USP25: variants seen among roughly 807,000 people sequenced by gnomAD.
USP25 encodes ubiquitin specific peptidase 25, also known as ubiquitin carboxyl-terminal hydrolase 25.
In USP25, 85 loss-of-function variants were observed where a neutral mutation model predicts 158.5. The observed-to-expected ratio is 0.54, with a 90% CI of 0.45 to 0.64. The LOEUF is 0.64. Ranked by LOEUF, USP25 falls within the 30% of genes least tolerant of loss-of-function variation. The probability of loss-of-function intolerance (pLI) is 0.00; values close to 1 mark genes in which losing one functional copy is unlikely to be tolerated. For synonymous variants in USP25, 464 were observed against 460.4 expected, an observed-to-expected ratio of 1.01 and a Z score of -0.10; for missense variants, 1,242 against 1,327.3, an observed-to-expected ratio of 0.94 and a Z score of 1.00.
At chr21:15,856,365 A>G (rs2039136876) in intron 20 of USP25, among the ~76,000 whole-genome samples, 1 of 152,148 alleles carries the variant, frequency 6.6e-6, no homozygotes, top group Admixed American at 6.5e-5. Context: ...GTGAGCATCT[A>G]TTCATTGTTT....
Position 15,730,371 on chromosome 21 carries a change from C to T in USP25, c.-23C>T. 1 of 1,222,026 alleles carries T rather than the reference C, an allele frequency of 8.2e-7. No individual in the cohort carries two copies. The highest frequency in any genetic ancestry group is 1.0e-6 in the Non-Finnish European group (1 of 978,498). 75.7% of individuals were successfully genotyped at this position (1,222,026 alleles called of 1,614,324 possible). ...GAGGAGCCGGGCGCCACCGCCGCCGCCGCCGCCGCCGCCGCGGGGGCCATG... is the reference window on the plus strand; with the variant it reads ...GAGGAGCCGGGCGCCACCGCCGCCGTCGCCGCCGCCGCCGCGGGGGCCATG... On this transcript the variant is annotated 5_prime_UTR_variant, in exon 1 of 26. Coordinates refer to ENST00000400183, the MANE Select transcript of USP25 (RefSeq NM_001283041.3).
intron 1 of USP25, among the ~76,000 whole-genome samples, chr21:15,756,715 A>G: frequency 6.6e-6 from 1 of 152,178 alleles, no homozygotes; most frequent in Middle Eastern, 3.2e-3. Flanking sequence ...TTGTGCAGTA[A>G]AAATAACAGG....
rs191812395 is a variant in USP25, at chr21:15,863,013, T to C, written c.2548-1255T>C. Among the ~76,000 whole-genome samples the C allele has an allele frequency of 9.2e-5, 14 of 152,136 alleles. No homozygotes were observed. In the East Asian group the frequency reaches 2.5e-3, roughly 27 times the overall value. On this transcript the variant is annotated intron_variant, in intron 20 of 25. Coordinates refer to ENST00000400183, the MANE Select transcript of USP25 (RefSeq NM_001283041.3). ...GCATTTTTTAAATTAAAAAAACTTT[T>C]TAATTGAATGGATTTTTTGTAATCT...
At chr21:15,825,113 G>A (rs774324147) in intron 12 of USP25, 52 bp downstream of exon 12, 2 of 1,345,014 alleles carry the variant, frequency 1.5e-6, no homozygotes, top group Admixed American at 4.7e-5. Context: ...CCATGTATTT[G>A]GTGACTAGAT....
chr21:15,747,696 T>C (rs946606585), intron 1 of USP25, among the ~76,000 whole-genome samples: 8 of 152,268 alleles, frequency 5.3e-5, no homozygotes, highest in Non-Finnish European at 1.0e-4. Flanking sequence ...TGTGGATATG[T>C]TGGACAAAGG....
chr21:15,864,237 C>A, intron 20 of USP25, 31 bp from the exon 21 acceptor site: 1 of 1,575,126 alleles, frequency 6.3e-7, no homozygotes, highest in Non-Finnish European at 8.6e-7. Flanking sequence ...AAATAATTAA[C>A]CAAAATTATC....
At chr21:15,740,231 T>G (rs2031906889) in intron 1 of USP25, among the ~76,000 whole-genome samples, 1 of 152,218 alleles carries the variant, frequency 6.6e-6, no homozygotes, top group Admixed American at 6.5e-5. Context: ...GAATCGCAGA[T>G]TATTCTTCTG....
Position 15,877,841 on chromosome 21 carries a change from C to T in USP25, c.3055C>T (p.Arg1019Ter), listed in dbSNP as rs756293019. ...AGAACTCTTCGAATCTGGAGAGGAT[C>T]GAGAAGTAAACAATGGTTTGATTAT... ...AAELFESGED[R>*]EVNNGLIIMN... is the part of the protein sequence containing the mutation. The change falls in exon 25 of 26, where the codon CGA becomes TGA. Residue 1019 changes from arginine (R) to a stop codon, truncating the protein, a stop_gained. Coordinates refer to ENST00000400183, the MANE Select transcript of USP25 (RefSeq NM_001283041.3). LOFTEE classifies it high-confidence loss of function. 1.9e-6 allele frequency: 3 copies of T among 1,612,076 alleles called. No individual in the cohort carries two copies. Among genetic ancestry groups the T allele is most frequent in the Non-Finnish European group, 2.5e-6 (3 of 1,179,156 alleles).
intron 1 of USP25, among the ~76,000 whole-genome samples, chr21:15,758,138 G>A (rs1327180439): frequency 6.6e-6 from 1 of 152,162 alleles, no homozygotes; most frequent in East Asian, 1.9e-4. Flanking sequence ...AATCTCTGGG[G>A]ATGAGGCCTG....
intron 4 of USP25, among the ~76,000 whole-genome samples, chr21:15,779,012 A>C (rs1189412857): frequency 6.6e-6 from 1 of 152,132 alleles, no homozygotes. Flanking sequence ...AGAGATTACT[A>C]TATGGTAGGA....
intron 10 of USP25, among the ~76,000 whole-genome samples, chr21:15,821,262 T>C (rs2037221041): frequency 6.6e-6 from 1 of 151,984 alleles, no homozygotes; most frequent in Non-Finnish European, 1.5e-5. Context: ...TCTAAGTTAG[T>C]GTAGAGCTTT....
chr21:15,744,634 G>A (rs955526783), intron 1 of USP25, among the ~76,000 whole-genome samples: 7 of 152,028 alleles, frequency 4.6e-5, no homozygotes, highest in African/African-American at 1.7e-4. Flanking sequence ...TGTTGCCCAG[G>A]CTGGAGTGCA....
At chr21:15,799,729 G>C (rs773124042) in intron 5 of USP25, 28 bp from the exon 6 acceptor site, 8 of 1,476,764 alleles carry the variant, frequency 5.4e-6, no homozygotes, top group Non-Finnish European at 7.4e-6. Flanking sequence ...TTTCCCTCAG[G>C]TTATGTTAAA....
At chr21:15,750,585 C>T (rs1353208338) in intron 1 of USP25, among the ~76,000 whole-genome samples, 1 of 151,304 alleles carries the variant, frequency 6.6e-6, no homozygotes, top group Non-Finnish European at 1.5e-5. Flanking sequence ...TAATGCTCAG[C>T]GTATATGGTT....
At chr21:15,801,699 G>A (rs563703737) in intron 6 of USP25, among the ~76,000 whole-genome samples, 68 of 151,530 alleles carry the variant, frequency 4.5e-4, no homozygotes, top group Non-Finnish European at 8.1e-4. Flanking sequence ...CATGTCTACA[G>A]CTACATTCAA....
chr21:15,823,558 A>G (rs1454393769), intron 10 of USP25, among the ~76,000 whole-genome samples: 1 of 152,120 alleles, frequency 6.6e-6, no homozygotes, highest in African/African-American at 2.4e-5. Context: ...TAAAACAGGA[A>G]AACACCATTT....
At position 15,808,823 on chromosome 21, in the gene USP25, G is replaced by A. The variant is rs1388812242; in HGVS notation, c.795G>A (p.Glu265=). 1.2e-6 allele frequency: 2 copies of A among 1,607,204 alleles called. No homozygotes were observed. Among genetic ancestry groups the A allele is most frequent in the Non-Finnish European group, 8.5e-7 (1 of 1,178,266 alleles). The stretch of plus-strand genomic sequence containing the variant: ...TCTTTTCACAGCAAGATGTGAGTGA[G>A]TTTACACACAAATTATTAGATTGGT... ...SNDSQQQDVS[E]FTHKLLDWLE... The change falls in exon 8 of 26, where the codon GAG becomes GAA. Residue 265 remains glutamate (E), a synonymous_variant. Transcript: ENST00000400183.
chr21:15,826,138 T>C lies in USP25; in HGVS notation c.1305-66T>C. ...TGAAGTATCGTATCACGTTTTATAA[T>C]AATAATAAAGGCCCAAATATGCTGT... is the stretch of plus-strand genomic sequence containing the variant. On this transcript the variant is annotated intron_variant, in intron 12 of 25. Transcript: ENST00000400183. The surrounding 1 kb of genome is among the most constrained non-coding windows in gnomAD (Gnocchi z 4.8). 6.7e-7 allele frequency: 1 copy of C among 1,490,480 alleles called. No individual in the cohort carries two copies. Among genetic ancestry groups the C allele is most frequent in the Non-Finnish European group, 9.1e-7 (1 of 1,103,232 alleles). 92.3% of individuals were successfully genotyped at this position (1,490,480 alleles called of 1,614,324 possible).
Position 15,799,758 on chromosome 21 carries a change from C to T in USP25, c.557C>T (p.Ser186Leu). The stretch of plus-strand genomic sequence containing the variant: ...TGTTAAATTGTTGTTCTTTTTCAGT[C>T]ATTATTTAATCTTTTGGAATTTAGA... The part of the protein sequence containing the change: ...NTCWFSAVIQ[S>L]LFNLLEFRRL... The change falls in exon 6 of 26, where the codon TCA (serine) becomes TTA (leucine). Residue 186 changes from serine to leucine, a missense_variant and splice_region_variant. Transcript: ENST00000400183. 1 of 1,582,174 alleles carries T rather than the reference C, an allele frequency of 6.3e-7. No individual in the cohort carries two copies. Among genetic ancestry groups the T allele is most frequent in the Non-Finnish European group, 8.6e-7 (1 of 1,161,906 alleles).
Sources: allele counts gnomAD v4.1 joint callset (sites outside exome capture counted in the v4.1 genomes callset), GRCh38; gene constraint gnomAD v4.1.1; non-coding constraint Gnocchi (gnomAD v3.1); transcripts MANE v1.5; gene names NCBI Gene and HGNC (gene_info 2026-07-23, HGNC 2026-07-21).